MACROD2: variants seen among roughly 807,000 people sequenced by gnomAD.
The protein encoded by MACROD2 is mono-ADP ribosylhydrolase 2.
A neutral mutation model predicts 70.4 loss-of-function variants in MACROD2; 36 were observed. The observed-to-expected ratio is 0.51, with a 90% CI of 0.39 to 0.68. The LOEUF (loss-of-function observed/expected upper bound fraction) is 0.68, where lower values mean the gene tolerates loss of function less well. MACROD2 is among the 30% of genes least tolerant of loss of function. MACROD2 has a pLI of 0.00. For missense variants in MACROD2, 496 were observed against 538.4 expected (o/e 0.92, Z 0.78); for synonymous variants, 172 against 178.8 (o/e 0.96, Z 0.30).
At chr20:15,720,508 A>C (rs574818089) in intron 8 of MACROD2, among the ~76,000 whole-genome samples, 63 of 152,324 alleles carry the variant, frequency 4.1e-4, no homozygotes, top group African/African-American at 1.5e-3. Flanking sequence ...AATTGATAGA[A>C]CCAACCGCTG....
chr20:15,231,051 T>C (rs147235130), intron 6 of MACROD2, among the ~76,000 whole-genome samples: 53 of 152,234 alleles, frequency 3.5e-4, no homozygotes, highest in African/African-American at 1.2e-3. Context: ...AGCAGATACA[T>C]TTAGGTAACC....
At chr20:15,155,812 C>T (rs542541104) in intron 5 of MACROD2, among the ~76,000 whole-genome samples, 3 of 151,858 alleles carry the variant, frequency 2.0e-5, no homozygotes, top group Admixed American at 6.6e-5. Context: ...ACTATAATCT[C>T]TGTATTTATA....
intron 5 of MACROD2, among the ~76,000 whole-genome samples, chr20:14,974,280 T>A (rs555590708): frequency 2.9e-4 from 44 of 152,244 alleles, no homozygotes; most frequent in African/African-American, 9.1e-4. Context: ...AATTTCAACA[T>A]GAGCTTTGGA....
At chr20:14,813,582 T>A (rs779968683) in intron 5 of MACROD2, among the ~76,000 whole-genome samples, 2 of 152,062 alleles carry the variant, frequency 1.3e-5, no homozygotes, top group African/African-American at 4.8e-5. Flanking sequence ...ATGTACCACA[T>A]TTTCTTTACA....
At chr20:14,242,634 G>A (rs2081938940) in intron 3 of MACROD2, among the ~76,000 whole-genome samples, 1 of 152,162 alleles carries the variant, frequency 6.6e-6, no homozygotes, top group African/African-American at 2.4e-5. Context: ...TCCTTTAAAA[G>A]TAATAAATGT....
At chr20:15,683,177 T>C (rs1434602180) in intron 8 of MACROD2, among the ~76,000 whole-genome samples, 2 of 152,240 alleles carry the variant, frequency 1.3e-5, no homozygotes, top group African/African-American at 2.4e-5. Context: ...TTATGAGCTG[T>C]ATATAGAAAT....
intron 4 of MACROD2, among the ~76,000 whole-genome samples, chr20:14,674,453 C>T (rs1001973114): frequency 2.6e-5 from 4 of 152,096 alleles, no homozygotes; most frequent in Non-Finnish European, 4.4e-5. Context: ...AGACATTATT[C>T]AAAGTGCTTG....
intron 8 of MACROD2, among the ~76,000 whole-genome samples, chr20:15,829,111 G>GA (rs73619849): frequency 0.12 from 18,153 of 148,144 alleles, 1,198 homozygotes; most frequent in Non-Finnish European, 0.13. Context: ...ATTATTATCG[G>GA]AAAAAAAAAA....
At chr20:15,235,125 C>T (rs182812751) in intron 6 of MACROD2, among the ~76,000 whole-genome samples, 34 of 152,184 alleles carry the variant, frequency 2.2e-4, no homozygotes, top group Admixed American at 3.9e-4. Context: ...ATACAATGCA[C>T]CCTGTCTGAC....
chr20:15,714,976 A>G (rs2050687100), intron 8 of MACROD2, among the ~76,000 whole-genome samples: 1 of 152,094 alleles, frequency 6.6e-6, no homozygotes, highest in Non-Finnish European at 1.5e-5. Context: ...TGGCACTTAG[A>G]ATTGCATTCT....
At chr20:15,708,125 C>A (rs572245369) in intron 8 of MACROD2, among the ~76,000 whole-genome samples, 1 of 152,094 alleles carries the variant, frequency 6.6e-6, no homozygotes, top group Non-Finnish European at 1.5e-5. Context: ...CGTTATTTTA[C>A]TCAGGCATTT....
chr20:15,301,348 G>C (rs964698286), intron 6 of MACROD2, among the ~76,000 whole-genome samples: 3 of 152,216 alleles, frequency 2.0e-5, no homozygotes, highest in Non-Finnish European at 2.9e-5. Context: ...AGACAGAAGA[G>C]TGAGCCAGCA....
At chr20:15,049,804 T>C (rs6074829) in intron 5 of MACROD2, among the ~76,000 whole-genome samples, 54,051 of 151,822 alleles carry the variant, frequency 0.36, 9,978 homozygotes, top group Admixed American at 0.46. Context: ...AAAAATTAGC[T>C]GGGCATGGTG....
At chr20:15,694,974 T>G (rs1399744046) in intron 8 of MACROD2, among the ~76,000 whole-genome samples, 1 of 152,126 alleles carries the variant, frequency 6.6e-6, no homozygotes, top group Non-Finnish European at 1.5e-5. Flanking sequence ...TTGAAAAGGG[T>G]GTCCTTTCCC....
At chr20:15,865,670 G>A (rs183142126) in intron 9 of MACROD2, among the ~76,000 whole-genome samples, 4 of 152,308 alleles carry the variant, frequency 2.6e-5, no homozygotes, top group Non-Finnish European at 4.4e-5. Context: ...TATGTCAGGG[G>A]AGACACAGCG....
At chr20:15,349,503 T>TA in intron 6 of MACROD2, among the ~76,000 whole-genome samples, 1 of 152,110 alleles carries the variant, frequency 6.6e-6, no homozygotes, top group Non-Finnish European at 1.5e-5. Context: ...ACGCCTGTAA[T>TA]CCCAGGACTT....
chr20:14,938,688 G>A (rs1372734654), intron 5 of MACROD2, among the ~76,000 whole-genome samples: 4 of 152,036 alleles, frequency 2.6e-5, no homozygotes, highest in African/African-American at 9.7e-5. Context: ...GGCTGGGGCG[G>A]GAGGATCACC....
chr20:14,797,693 A>T (rs954418610), intron 5 of MACROD2, among the ~76,000 whole-genome samples: 3 of 151,996 alleles, frequency 2.0e-5, no homozygotes, highest in African/African-American at 4.8e-5. Context: ...ATAGCTGTAG[A>T]TTTTTATTCC....
intron 4 of MACROD2, among the ~76,000 whole-genome samples, chr20:14,620,098 C>T (rs1432406331): frequency 5.9e-5 from 9 of 152,094 alleles, no homozygotes; most frequent in Non-Finnish European, 1.0e-4. Flanking sequence ...ATTTGGGATT[C>T]CCGTCTATTC....
Sources: gnomAD v4.1 joint callset for allele counts (sites outside exome capture counted in the v4.1 genomes callset) on GRCh38, gnomAD v4.1.1 for gene constraint, MANE v1.5 for transcripts, NCBI Gene and HGNC (gene_info 2026-07-23, HGNC 2026-07-21) for gene names.